SGCD: variants seen among roughly 807,000 people sequenced by gnomAD.
SGCD encodes the protein delta-sarcoglycan.
A neutral mutation model predicts 36.6 loss-of-function variants in SGCD; 18 were observed. The observed-to-expected ratio is 0.49, with a 90% confidence interval of 0.34 to 0.73. The LOEUF is 0.73. SGCD is among the 30% of genes least tolerant of loss of function. The probability of loss-of-function intolerance (pLI) is 0.01; values close to 1 mark genes in which losing one functional copy is unlikely to be tolerated. For synonymous variants in SGCD, 133 were observed against 130.6 expected (o/e 1.02, Z -0.12); for missense variants, 387 against 346.7 (o/e 1.12, Z -0.92).
chr5:156,115,988 G>T (rs1487464770), intron 1 of SGCD, among the ~76,000 whole-genome samples: 1 of 152,106 alleles, frequency 6.6e-6, no homozygotes, highest in Non-Finnish European at 1.5e-5. Flanking sequence ...CTCTTGAAAT[G>T]TTAGCAGTCA....
intron 1 of SGCD, among the ~76,000 whole-genome samples, chr5:156,072,095 C>G (rs1186900643): frequency 6.6e-6 from 1 of 152,102 alleles, no homozygotes; most frequent in African/African-American, 2.4e-5. Flanking sequence ...ATTTGCCAGT[C>G]TGTGTCTTTT....
At chr5:156,095,644 C>T (rs1761357195) in intron 1 of SGCD, among the ~76,000 whole-genome samples, 1 of 151,972 alleles carries the variant, frequency 6.6e-6, no homozygotes. Context: ...GGGCTGGATC[C>T]CTGGATTTCA....
intron 1 of SGCD, among the ~76,000 whole-genome samples, chr5:156,070,425 G>A (rs1238009367): frequency 2.0e-5 from 3 of 151,182 alleles, no homozygotes; most frequent in Non-Finnish European, 4.4e-5. Context: ...TTATATGCTG[G>A]ATTACATTTA....
chr5:156,282,356 G>A (rs558766060), intron 3 of SGCD, among the ~76,000 whole-genome samples: 5 of 152,282 alleles, frequency 3.3e-5, no homozygotes, highest in East Asian at 3.9e-4. Context: ...ACCTGTGTAG[G>A]GGGAAAGGGT....
At chr5:155,889,234 A>G (rs1426491489) in intron 1 of SGCD, among the ~76,000 whole-genome samples, 2 of 152,182 alleles carry the variant, frequency 1.3e-5, no homozygotes, top group Non-Finnish European at 2.9e-5. Context: ...TTACCCACGT[A>G]GAGGAAATTT....
At chr5:156,423,299 AAT>A (rs1580969636) in intron 3 of SGCD, among the ~76,000 whole-genome samples, 1 of 48,310 alleles carries the variant, frequency 2.1e-5, no homozygotes, top group African/African-American at 8.0e-5. Context: ...ATTATAATAT[AAT>A]ATATTTTATT....
rs556637127 is a variant in SGCD, at chr5:156,246,788, C to T, written c.-43-82746C>T. Among the ~76,000 whole-genome samples the T allele has an allele frequency of 5.9e-5, 9 of 152,154 alleles. No homozygotes were observed. The South Asian group carries it at 6.2e-4, about 11-fold the overall frequency. On this transcript the variant is annotated intron_variant, in intron 3 of 9. Coordinates refer to the SGCD transcript ENST00000517913. Reference sequence around the variant, plus strand: ...GCACCTTTTTCTATAAATGGCTTTCCGCGTTCCAGGAGTTTTGTAGTGCTA... The same window carrying T: ...GCACCTTTTTCTATAAATGGCTTTCTGCGTTCCAGGAGTTTTGTAGTGCTA...
chr5:156,407,011 G>A (rs1450843108), intron 3 of SGCD, among the ~76,000 whole-genome samples: 1 of 151,766 alleles, frequency 6.6e-6, no homozygotes, highest in Non-Finnish European at 1.5e-5. Context: ...ACGAGAGAAA[G>A]ATGTAGGCTG....
chr5:156,630,195 C>G (rs1762581291), intron 6 of SGCD, among the ~76,000 whole-genome samples: 1 of 152,116 alleles, frequency 6.6e-6, no homozygotes, highest in Non-Finnish European at 1.5e-5. Flanking sequence ...TATGTGAAGT[C>G]TGATAGCAAA....
rs1207775355 is a variant in SGCD at position 156,257,207 on chromosome 5, G to A, written c.-43-72327G>A. Among the ~76,000 whole-genome samples the A allele has an allele frequency of 2.6e-5, 4 of 150,956 alleles. No homozygotes were observed. In the East Asian group the frequency reaches 7.7e-4, roughly 29 times the overall value. On this transcript the variant is annotated intron_variant, in intron 3 of 9. Transcript: ENST00000517913. The stretch of plus-strand genomic sequence containing the variant: ...AATAAATAAAAGGCCAGGCGCAGTG[G>A]CTCACGCCTGTAATCTCAACACTTT...
the SGCD span, among the ~76,000 whole-genome samples, chr5:155,791,281 G>A: frequency 6.6e-6 from 1 of 152,030 alleles, no homozygotes; most frequent in Non-Finnish European, 1.5e-5. Context: ...AGAATGGGAA[G>A]GAAGGTAACT....
chr5:156,038,590 T>TAA (rs545519191), intron 1 of SGCD, among the ~76,000 whole-genome samples: 35 of 145,800 alleles, frequency 2.4e-4, no homozygotes, highest in African/African-American at 7.7e-4. Flanking sequence ...AAATAAAAAG[T>TAA]AAAAAAAAAA....
At chr5:156,284,193 C>T (rs977635325) in intron 3 of SGCD, among the ~76,000 whole-genome samples, 2 of 151,930 alleles carry the variant, frequency 1.3e-5, no homozygotes, top group Non-Finnish European at 2.9e-5. Context: ...AGCTTACCAA[C>T]AAAAAAAGTC....
chr5:156,090,500 A>C (rs1761213787), intron 1 of SGCD, among the ~76,000 whole-genome samples: 1 of 152,186 alleles, frequency 6.6e-6, no homozygotes, highest in Non-Finnish European at 1.5e-5. Context: ...AAGGGCAATA[A>C]AAGATCACAA....
intron 3 of SGCD, among the ~76,000 whole-genome samples, chr5:156,142,354 A>G (rs1762602977): frequency 5.3e-5 from 8 of 152,230 alleles, no homozygotes; most frequent in Admixed American, 5.2e-4. Context: ...AGAACAGACT[A>G]ATACAGAAAA....
chr5:155,878,174 A>G (rs1003281824), intron 1 of SGCD, among the ~76,000 whole-genome samples: 6 of 152,126 alleles, frequency 3.9e-5, no homozygotes, highest in African/African-American at 1.4e-4. Flanking sequence ...AAACAACAAC[A>G]ACAAAAAAGT....
the SGCD span, among the ~76,000 whole-genome samples, chr5:155,732,763 A>G: frequency 9.2e-5 from 14 of 152,128 alleles, no homozygotes; most frequent in Non-Finnish European, 1.3e-4. Context: ...CCAAGCCTAC[A>G]TCTATTTATA....
chr5:156,402,499 G>A (rs1772207658), intron 3 of SGCD, among the ~76,000 whole-genome samples: 1 of 152,132 alleles, frequency 6.6e-6, no homozygotes, highest in Non-Finnish European at 1.5e-5. Flanking sequence ...CCTGTTACTG[G>A]GGAAACTCCC....
rs1168230065 is a variant in SGCD at position 155,901,063 on chromosome 5, A to C, written c.-282+30639A>C. On this transcript the variant is annotated intron_variant, in intron 1 of 9. Coordinates refer to the SGCD transcript ENST00000517913. ...CGTGGTGGCTCATGCCTGTAATCCT[A>C]GCACTTTGACACCCAGACAGCAGGA... Among the ~76,000 whole-genome samples the C allele has an allele frequency of 2.0e-5, 3 of 152,140 alleles. No individual in the cohort carries two copies. In the East Asian group the frequency reaches 5.8e-4, roughly 29 times the overall value.
Sources: allele counts gnomAD v4.1 joint callset (sites outside exome capture counted in the v4.1 genomes callset), GRCh38; gene constraint gnomAD v4.1.1; transcripts MANE v1.5; gene names NCBI Gene and HGNC (gene_info 2026-07-23, HGNC 2026-07-21).